SYNDIG1: variants seen among roughly 807,000 people sequenced by gnomAD.
SYNDIG1 encodes synapse differentiation inducing 1, also known as synapse differentiation-inducing gene protein 1.
SYNDIG1 carries 9 observed loss-of-function variants against 19.4 expected under a neutral mutation model. The ratio of observed to expected loss-of-function variants is 0.46; its 90% CI spans 0.28 to 0.81. The LOEUF is 0.81. Ranked by LOEUF, SYNDIG1 falls within the 30% of genes least tolerant of loss-of-function variation. The pLI is 0.12. For missense variants in SYNDIG1, 311 were observed against 343.3 expected, an observed-to-expected ratio of 0.91 and a Z score of 0.74; for synonymous variants, 141 against 145.9, an observed-to-expected ratio of 0.97 and a Z score of 0.24.
At chr20:24,652,770 AAC>A (rs142237540) in intron 3 of SYNDIG1, among the ~76,000 whole-genome samples, 3,079 of 152,232 alleles carry the variant, frequency 0.02, 132 homozygotes, top group African/African-American at 0.07. Context: ...TGGGGAGGTG[AAC>A]ACACGGGAGC....
intron 2 of SYNDIG1, among the ~76,000 whole-genome samples, chr20:24,556,512 ATC>A (rs1423410759): frequency 6.6e-6 from 1 of 152,136 alleles, no homozygotes; most frequent in Non-Finnish European, 1.5e-5. Context: ...TGGTGACAAA[ATC>A]TCTCAGCATT....
rs2059550757 is a variant in SYNDIG1, at chr20:24,658,467, GC to G, written c.619-6877del. ...ACCCCTGAAGTGGACAGGCGCTCTG[GC>G]CGTACCCTGGGGGGTGAAAGCCCTT... is the stretch of plus-strand genomic sequence containing the variant. On this transcript the variant is annotated intron_variant, in intron 3 of 3. Transcript: ENST00000376862. The surrounding 1 kb of genome is among the most constrained non-coding windows in gnomAD (Gnocchi z 4.4). Among the ~76,000 whole-genome samples the G allele has an allele frequency of 6.6e-6, 1 of 152,106 alleles. No homozygotes were observed. The highest frequency in any genetic ancestry group is 1.5e-5 in the Non-Finnish European group (1 of 68,012).
At chr20:24,580,885 G>A (rs1333328373) in intron 2 of SYNDIG1, among the ~76,000 whole-genome samples, 1 of 152,206 alleles carries the variant, frequency 6.6e-6, no homozygotes, top group African/African-American at 2.4e-5. Context: ...TAATGCTAAA[G>A]CAATTTCTAA....
At chr20:24,490,482 G>A (rs1290636060) in intron 1 of SYNDIG1, among the ~76,000 whole-genome samples, 1 of 152,148 alleles carries the variant, frequency 6.6e-6, no homozygotes, top group Non-Finnish European at 1.5e-5. Context: ...AAAGAAGGTT[G>A]TATCTGGGGC....
intron 1 of SYNDIG1, among the ~76,000 whole-genome samples, chr20:24,542,178 C>T (rs1445531014): frequency 8.2e-5 from 1 of 12,196 alleles, no homozygotes; most frequent in Non-Finnish European, 1.8e-4. Context: ...AAATTCACTT[C>T]AATAAGAAAA....
chr20:24,476,539 G>A (rs960508503), intron 1 of SYNDIG1, among the ~76,000 whole-genome samples: 5 of 151,836 alleles, frequency 3.3e-5, no homozygotes, highest in African/African-American at 7.3e-5. Flanking sequence ...ACGTGGTGGC[G>A]GGCACCTGTA....
chr20:24,627,204 G>A (rs1160858441), intron 3 of SYNDIG1, among the ~76,000 whole-genome samples: 1 of 151,412 alleles, frequency 6.6e-6, no homozygotes, highest in African/African-American at 2.4e-5. Flanking sequence ...GACATTGAAA[G>A]GAGAATAAGA....
intron 1 of SYNDIG1, among the ~76,000 whole-genome samples, chr20:24,475,420 C>A (rs2055590037): frequency 6.6e-6 from 1 of 152,238 alleles, no homozygotes; most frequent in South Asian, 2.1e-4. Flanking sequence ...TCAGCCTCAG[C>A]CCATCACCCA....
chr20:24,565,452 G>A (rs1264660313), intron 2 of SYNDIG1, among the ~76,000 whole-genome samples: 3 of 152,182 alleles, frequency 2.0e-5, no homozygotes, highest in East Asian at 1.9e-4. Context: ...GGGGGACGGG[G>A]CATCTGTAAC....
intron 2 of SYNDIG1, among the ~76,000 whole-genome samples, chr20:24,584,231 A>C (rs1180343124): frequency 6.6e-6 from 1 of 152,192 alleles, no homozygotes; most frequent in Non-Finnish European, 1.5e-5. Context: ...CTCGTGCTCC[A>C]GGTGGAAATC....
At chr20:24,568,844 G>A (rs1243445279) in intron 2 of SYNDIG1, among the ~76,000 whole-genome samples, 2 of 152,190 alleles carry the variant, frequency 1.3e-5, no homozygotes, top group Non-Finnish European at 2.9e-5. Context: ...GCATAAATGT[G>A]TTCACCTGAA....
intron 2 of SYNDIG1, among the ~76,000 whole-genome samples, chr20:24,555,127 A>G (rs1404647231): frequency 6.6e-6 from 1 of 152,048 alleles, no homozygotes; most frequent in Non-Finnish European, 1.5e-5. Context: ...GGTAGTTTGT[A>G]TTTCTGTGGG....
intron 2 of SYNDIG1, among the ~76,000 whole-genome samples, chr20:24,572,409 A>G (rs1363592031): frequency 6.6e-6 from 1 of 152,230 alleles, no homozygotes; most frequent in East Asian, 1.9e-4. Flanking sequence ...CCTGTGCCAC[A>G]TCTTCGGCAG....
At chr20:24,540,314 T>G (rs2057444071) in intron 1 of SYNDIG1, among the ~76,000 whole-genome samples, 1 of 152,244 alleles carries the variant, frequency 6.6e-6, no homozygotes, top group Admixed American at 6.5e-5. Flanking sequence ...TGTGGAATCT[T>G]TAGGGTTTTC....
At chr20:24,535,478 T>C (rs1406711714) in intron 1 of SYNDIG1, among the ~76,000 whole-genome samples, 1 of 152,230 alleles carries the variant, frequency 6.6e-6, no homozygotes, top group Non-Finnish European at 1.5e-5. Flanking sequence ...CACATGTCTC[T>C]AGGTGTCAAC....
chr20:24,617,266 G>A (rs973938742), intron 3 of SYNDIG1, among the ~76,000 whole-genome samples: 11 of 151,942 alleles, frequency 7.2e-5, no homozygotes, highest in Middle Eastern at 3.4e-3. Context: ...CTCCTGGCCC[G>A]CATCCTTCCT....
intron 2 of SYNDIG1, among the ~76,000 whole-genome samples, chr20:24,578,975 G>A (rs1469878148): frequency 6.6e-6 from 1 of 152,336 alleles, no homozygotes; most frequent in African/African-American, 2.4e-5. Context: ...TGGCCGGCAC[G>A]CAGGCTTGAG....
intron 3 of SYNDIG1, among the ~76,000 whole-genome samples, chr20:24,659,469 G>T (rs1210408588): frequency 6.6e-6 from 1 of 152,220 alleles, no homozygotes; most frequent in East Asian, 1.9e-4. Flanking sequence ...TCAGCAAAGA[G>T]GCTAGCATCA....
chr20:24,508,557 C>G (rs2056664188), intron 1 of SYNDIG1, among the ~76,000 whole-genome samples: 1 of 151,694 alleles, frequency 6.6e-6, no homozygotes, highest in South Asian at 2.1e-4. Context: ...TTTCAAAGCC[C>G]CAGTGAAGAA....
Sources: allele counts gnomAD v4.1 joint callset (sites outside exome capture counted in the v4.1 genomes callset), GRCh38; gene constraint gnomAD v4.1.1; non-coding constraint Gnocchi (gnomAD v3.1); transcripts MANE v1.5; gene names NCBI Gene and HGNC (gene_info 2026-07-23, HGNC 2026-07-21).